KCNK17: variants seen among roughly 807,000 people sequenced by gnomAD.
The protein encoded by KCNK17 is potassium channel subfamily K member 17.
KCNK17 carries 27 observed loss-of-function variants against 24.6 expected under a neutral mutation model. That is an observed-to-expected ratio of 1.10 (90% CI 0.81 to 1.51). The LOEUF (loss-of-function observed/expected upper bound fraction) is 1.51, where lower values mean the gene tolerates loss of function less well. Ranked by LOEUF, KCNK17 falls within the 40% of genes most tolerant of loss-of-function variation. KCNK17 has a pLI of 0.00. For missense variants in KCNK17, 450 were observed against 436.6 expected (o/e 1.03, Z -0.27); for synonymous variants, 181 against 189.8 (o/e 0.95, Z 0.38).
At chr6:39,306,566 C>T (rs74651710) in intron 2 of KCNK17, among the ~76,000 whole-genome samples, 4,509 of 152,248 alleles carry the variant, frequency 0.03, 228 homozygotes, top group African/African-American at 0.1. Flanking sequence ...TGTGCCCACA[C>T]ACCCTAAACT....
intron 4 of KCNK17, among the ~76,000 whole-genome samples, chr6:39,302,229 T>C (rs1472362163): frequency 5.3e-5 from 8 of 151,894 alleles, no homozygotes; most frequent in African/African-American, 1.9e-4. Flanking sequence ...TGGGCAGGAG[T>C]GTTCTTGCCC....
chr6:39,314,325 G>T lies in KCNK17; in HGVS notation c.-5C>A. 1.4e-6 allele frequency: 2 copies of T among 1,402,842 alleles called. No individual in the cohort carries two copies. The highest frequency in any genetic ancestry group is 3.1e-5 in the South Asian group (2 of 63,580). 86.9% of individuals were successfully genotyped at this position (1,402,842 alleles called of 1,614,324 possible). On this transcript the variant is annotated 5_prime_UTR_variant, in exon 1 of 5. Coordinates refer to ENST00000373231, the MANE Select transcript of KCNK17 (RefSeq NM_031460.4). The stretch of plus-strand genomic sequence containing the variant: ...CCGGGCTCGCGGTCGGTACATAGCG[G>T]GAGAGGCGGGGAGCCGGCGCCGGGA...
intron 4 of KCNK17, among the ~76,000 whole-genome samples, chr6:39,303,243 G>A (rs1202979328): frequency 6.6e-6 from 1 of 152,222 alleles, no homozygotes; most frequent in African/African-American, 2.4e-5. Context: ...AGTGCATGAA[G>A]CCGCTTGAGG....
chr6:39,309,232 G>A (rs1342426286), intron 2 of KCNK17, among the ~76,000 whole-genome samples: 1 of 152,246 alleles, frequency 6.6e-6, no homozygotes, highest in Non-Finnish European at 1.5e-5. Context: ...GCTGAGGTAG[G>A]AGAATCGCTT....
In KCNK17 at chr6:39,300,692, T is replaced by G. The variant is rs1761938252; in HGVS notation, c.689-955A>C. On this transcript the variant is annotated intron_variant, in intron 4 of 4. Coordinates refer to ENST00000373231, the MANE Select transcript of KCNK17 (RefSeq NM_031460.4). Reference sequence around the variant, plus strand: ...ATCCTCAAGGCCCTCTGCCCGCTTCTGCAGCACACCTCTCCCCTCTGACTG... The same window carrying G: ...ATCCTCAAGGCCCTCTGCCCGCTTCGGCAGCACACCTCTCCCCTCTGACTG... Among the ~76,000 whole-genome samples the G allele has an allele frequency of 2.0e-5, 3 of 152,226 alleles. No homozygotes were observed. In the South Asian group the frequency reaches 6.2e-4, roughly 32 times the overall value.
chr6:39,301,473 G>A (rs564943889), intron 4 of KCNK17, among the ~76,000 whole-genome samples: 16 of 152,334 alleles, frequency 1.1e-4, no homozygotes, highest in African/African-American at 3.8e-4. Flanking sequence ...GCAGGAGCTG[G>A]GATTGGATTA....
intron 4 of KCNK17, among the ~76,000 whole-genome samples, chr6:39,299,969 G>T (rs945990404): frequency 7.2e-5 from 11 of 152,206 alleles, no homozygotes; most frequent in Non-Finnish European, 7.3e-5. Flanking sequence ...GAGGGAATCT[G>T]TTTATGCTCC....
At position 39,299,626 on chromosome 6, in the gene KCNK17, A is replaced by T; in HGVS notation, c.800T>A (p.Leu267Gln). Reference sequence around the variant, plus strand: ...GGAACATACCCTCCCTGGCGTCTCCAGCTGGGAGAGGATGAGTTTGATGAT... The same window carrying T: ...GGAACATACCCTCCCTGGCGTCTCCTGCTGGGAGAGGATGAGTTTGATGAT... ...ALIIKLILSQ[L>Q]ETPGRVCSCC... The change falls in exon 5 of 5, where the codon CTG becomes CAG. Residue 267 changes from leucine (L) to glutamine (Q), a missense_variant. Transcript: ENST00000373231. 6.2e-7 allele frequency: 1 copy of T among 1,614,098 alleles called. No homozygotes were observed. The highest frequency in any genetic ancestry group is 8.5e-7 in the Non-Finnish European group (1 of 1,180,016).
At chr6:39,310,859 C>CCCCCCCCA in intron 2 of KCNK17, 34 bp downstream of exon 2, 1 of 1,168,464 alleles carries the variant, frequency 8.6e-7, no homozygotes, top group Non-Finnish European at 1.2e-6. Flanking sequence ...CTCCTTCCCC[C>CCCCCCCCA]ACCCCCATCC....
At chr6:39,313,195 A>G (rs2113843079) in intron 1 of KCNK17, among the ~76,000 whole-genome samples, 1 of 152,316 alleles carries the variant, frequency 6.6e-6, no homozygotes, top group African/African-American at 2.4e-5. Flanking sequence ...GCGTCGCTTC[A>G]GTCCTAAGAT....
At chr6:39,302,630 G>A (rs1017623103) in intron 4 of KCNK17, among the ~76,000 whole-genome samples, 4 of 152,210 alleles carry the variant, frequency 2.6e-5, no homozygotes, top group African/African-American at 4.8e-5. Flanking sequence ...GGAAATGGCA[G>A]TGGAAATAGA....
intron 1 of KCNK17, among the ~76,000 whole-genome samples, chr6:39,312,506 G>C (rs1304643656): frequency 6.6e-6 from 1 of 152,184 alleles, no homozygotes; most frequent in Non-Finnish European, 1.5e-5. Flanking sequence ...CCAGCTCCTG[G>C]CTATGTAGCC....
In KCNK17 at chr6:39,299,158, C is replaced by G. The variant is rs1583761613; in HGVS notation, c.*269G>C. On this transcript the variant is annotated 3_prime_UTR_variant, in exon 5 of 5. Transcript: ENST00000373231. Reference sequence around the variant, plus strand: ...GCTACTTCATGGTGCCGTATGGCTGCCAGAGCTCCCAGCCATCATATCGGC... The same window carrying G: ...GCTACTTCATGGTGCCGTATGGCTGGCAGAGCTCCCAGCCATCATATCGGC... The G allele has an allele frequency of 2.1e-6, 1 of 471,532 alleles. No individual in the cohort carries two copies. Among genetic ancestry groups the G allele is most frequent in the Non-Finnish European group, 3.8e-6 (1 of 263,826 alleles). The allele number at this position is 471,532 out of a possible 1,614,324, so 29.2% of individuals were successfully genotyped here.
chr6:39,313,346 C>T (rs1356739791), intron 1 of KCNK17, among the ~76,000 whole-genome samples: 2 of 152,180 alleles, frequency 1.3e-5, no homozygotes, highest in African/African-American at 4.8e-5. Context: ...GGCGGCGCGC[C>T]CAGTCCTTGT....
At chr6:39,305,797 C>T (rs1262408617) in intron 2 of KCNK17, among the ~76,000 whole-genome samples, 3 of 152,190 alleles carry the variant, frequency 2.0e-5, no homozygotes, top group Non-Finnish European at 4.4e-5. Context: ...GCCTGCAGAA[C>T]TCTCCAGGTC....
chr6:39,302,860 C>T (rs1483158731), intron 4 of KCNK17, among the ~76,000 whole-genome samples: 1 of 152,176 alleles, frequency 6.6e-6, no homozygotes, highest in Non-Finnish European at 1.5e-5. Context: ...GAGGCCCCAA[C>T]ACCTGACCCC....
At chr6:39,301,484 G>A (rs1761950063) in intron 4 of KCNK17, among the ~76,000 whole-genome samples, 1 of 152,258 alleles carries the variant, frequency 6.6e-6, no homozygotes, top group Non-Finnish European at 1.5e-5. Context: ...GATTGGATTA[G>A]GCTGATTGGG....
At position 39,299,526 on chromosome 6, in the gene KCNK17, G is replaced by A. The variant is rs1371224806; in HGVS notation, c.900C>T (p.Ser300=). The stretch of plus-strand genomic sequence containing the variant: ...GATAGCATCCTTGCTGTGGGGAGTG[G>A]GACTCTGGCTCCCGGTCAGGTCCCT... The part of the protein sequence containing the change: ...WRQGPDREPE[S]HSPQQGCYPE... Residue 300 remains serine (S), a synonymous_variant, in exon 5 of 5, where the codon TCC becomes TCT. Coordinates refer to ENST00000373231, the MANE Select transcript of KCNK17 (RefSeq NM_031460.4). 12 of 1,614,046 alleles carry A rather than the reference G, an allele frequency of 7.4e-6. No homozygotes were observed. The Admixed American group carries it at 1.0e-4, about 13-fold the overall frequency.
In KCNK17 at chr6:39,314,107, G is replaced by A. The variant is rs1762217063; in HGVS notation, c.214C>T (p.Pro72Ser). The change falls in exon 1 of 5, where the codon CCG becomes TCG. Residue 72 changes from proline (P) to serine (S), a missense_variant. Transcript: ENST00000373231. ...LLQNFTCLDR[P>S]ALDSLIRDVV... Reference sequence around the variant, plus strand: ...ACCCGGATCAGCGAGTCCAGCGCCGGGCGGTCCAGACACGTGAAGTTCTGC... The same window carrying A: ...ACCCGGATCAGCGAGTCCAGCGCCGAGCGGTCCAGACACGTGAAGTTCTGC... The A allele has an allele frequency of 1.3e-6, 2 of 1,589,824 alleles. No homozygotes were observed. The highest frequency in any genetic ancestry group is 1.7e-6 in the Non-Finnish European group (2 of 1,169,960).
Sources: gnomAD v4.1 joint callset for allele counts (sites outside exome capture counted in the v4.1 genomes callset) on GRCh38, gnomAD v4.1.1 for gene constraint, MANE v1.5 for transcripts, NCBI Gene and HGNC (gene_info 2026-07-23, HGNC 2026-07-21) for gene names.